AMBN: variants seen among roughly 807,000 people sequenced by gnomAD.
AMBN encodes enamel matrix protein.
Under a neutral mutation model 48.0 loss-of-function variants are expected in AMBN, and 54 were observed. The ratio of observed to expected loss-of-function variants is 1.12; its 90% CI spans 0.90 to 1.41. AMBN has a LOEUF of 1.41. Ranked by LOEUF, AMBN falls within the 40% of genes most tolerant of loss-of-function variation. The pLI is 0.00. For synonymous variants in AMBN, 186 were observed against 190.0 expected (o/e 0.98, Z 0.17); for missense variants, 571 against 547.3 (o/e 1.04, Z -0.43).
chr4:70,602,928 G>T, intron 8 of AMBN, 44 bp from the exon 9 acceptor site: 1 of 1,542,558 alleles, frequency 6.5e-7, no homozygotes, highest in Non-Finnish European at 8.8e-7. Context: ...TATCTATTTT[G>T]TTCCTTTTTT....
Position 70,598,461 on chromosome 4 carries a change from A to G in AMBN, c.183+58A>G, listed in dbSNP as rs373033705. 8 of 1,372,562 alleles carry G rather than the reference A, an allele frequency of 5.8e-6. No individual in the cohort carries two copies. The African/African-American group carries it at 1.0e-4, about 18-fold the overall frequency. 85.0% of individuals were successfully genotyped at this position (1,372,562 alleles called of 1,614,324 possible). A position where few individuals can be genotyped will look rare whatever the true frequency, so the allele number is the denominator to read the frequency against. On this transcript the variant is annotated intron_variant, in intron 4 of 12. Transcript: ENST00000322937. ...TGGTGGTAGTGTTAATATTAGCAGC[A>G]GCATTATAATTCATCAAATTTATTT...
At chr4:70,603,390 T>C (rs1465680308) in intron 10 of AMBN, 26 bp from the exon 11 acceptor site, 1 of 1,613,552 alleles carries the variant, frequency 6.2e-7, no homozygotes, top group Non-Finnish European at 8.5e-7. Flanking sequence ...AAATGCATTT[T>C]GTGATAATGA....
At chr4:70,599,238 C>T (rs1196084827) in intron 4 of AMBN, among the ~76,000 whole-genome samples, 2 of 151,986 alleles carry the variant, frequency 1.3e-5, no homozygotes, top group Non-Finnish European at 1.5e-5. Flanking sequence ...GTCAAGAGAT[C>T]AAGACCATCC....
chr4:70,593,463 G>T (rs1487928864), intron 2 of AMBN, 68 bp downstream of exon 2: 2 of 1,330,338 alleles, frequency 1.5e-6, no homozygotes, highest in Non-Finnish European at 2.2e-6. Flanking sequence ...AACACTGAAG[G>T]GATATGGACT....
Position 70,603,252 on chromosome 4 carries a change from A to T in AMBN, c.649-8A>T. ...AGAATTACTTATTCTGTTTTCTACC[A>T]TTTAAAGATTTTCCAAATAGCCCGT... On this transcript the variant is annotated splice_polypyrimidine_tract_variant and splice_region_variant and intron_variant, in intron 9 of 12. Transcript: ENST00000322937. 1 of 1,612,410 alleles carries T rather than the reference A, an allele frequency of 6.2e-7. No individual in the cohort carries two copies. The highest frequency in any genetic ancestry group is 8.5e-7 in the Non-Finnish European group (1 of 1,178,738).
chr4:70,602,963 G>A lies in AMBN; in HGVS notation c.610-9G>A, dbSNP rs774172380. ...TGACTGATAATTTTAATATTTATCT[G>A]TAATATAGCTCCCAGGATTGGATTT... On this transcript the variant is annotated splice_polypyrimidine_tract_variant and intron_variant, in intron 8 of 12. Transcript: ENST00000322937. 18 of 1,595,028 alleles carry A rather than the reference G, an allele frequency of 1.1e-5. No homozygotes were observed. Among genetic ancestry groups the A allele is most frequent in the Admixed American group, 1.7e-5 (1 of 58,310 alleles).
chr4:70,596,942 G>A, intron 2 of AMBN, 57 bp from the exon 3 acceptor site: 2 of 1,495,704 alleles, frequency 1.3e-6, no homozygotes, highest in Non-Finnish European at 1.9e-6. Flanking sequence ...ACGCCCAATG[G>A]GCATTGAAGG....
At chr4:70,604,890 G>C (rs927266841) in intron 12 of AMBN, among the ~76,000 whole-genome samples, 20 of 152,020 alleles carry the variant, frequency 1.3e-4, no homozygotes, top group Non-Finnish European at 1.5e-5. Flanking sequence ...CTACTCAGGA[G>C]GCTGAGGCAG....
chr4:70,603,025 C>G lies in AMBN; in HGVS notation c.648+15C>G. 6.3e-7 allele frequency: 1 copy of G among 1,595,808 alleles called. No individual in the cohort carries two copies. ...AAGGTTCAACAGTAAGTACAGATCT[C>G]AATGAGACACTGTCTTGCAAAAACT... On this transcript the variant is annotated intron_variant, in intron 9 of 12. Coordinates refer to ENST00000322937, the MANE Select transcript of AMBN (RefSeq NM_016519.6).
chr4:70,595,917 A>T (rs1342535762), intron 2 of AMBN, among the ~76,000 whole-genome samples: 1 of 152,242 alleles, frequency 6.6e-6, no homozygotes, highest in Non-Finnish European at 1.5e-5. Context: ...GCACTTTGGG[A>T]GGCCAAGGCA....
chr4:70,597,818 G>A (rs1221676804), intron 3 of AMBN, among the ~76,000 whole-genome samples: 2 of 152,048 alleles, frequency 1.3e-5, no homozygotes, highest in African/African-American at 2.4e-5. Flanking sequence ...CGTGAAAAAA[G>A]TTAAATTGGC....
At chr4:70,604,531 C>T (rs1577957696) in intron 12 of AMBN, among the ~76,000 whole-genome samples, 1 of 152,156 alleles carries the variant, frequency 6.6e-6, no homozygotes, top group Non-Finnish European at 1.5e-5. Flanking sequence ...CAAGGCAAGA[C>T]AAAACAAAAG....
chr4:70,599,602 T>G lies in AMBN; in HGVS notation c.250T>G (p.Ser84Ala), dbSNP rs1048892888. The change falls in exon 5 of 13, where the codon TCC becomes GCC. Residue 84 changes from serine (S) to alanine (A), a missense_variant. Ser to Ala is a moderately conservative substitution (Grantham distance 99). Transcript: ENST00000322937. ...LWMHGLLPPHSSLPWMRPREH... is the reference protein window; with the variant it reads ...LWMHGLLPPHASLPWMRPREH... ...GATGCACGGTCTCCTCCCACCACATTCCTCTCTTCCATGGATGAGGCCAAG... is the reference window on the plus strand; with the variant it reads ...GATGCACGGTCTCCTCCCACCACATGCCTCTCTTCCATGGATGAGGCCAAG... The G allele has an allele frequency of 1.9e-6, 3 of 1,613,620 alleles. No individual in the cohort carries two copies. Among genetic ancestry groups the G allele is most frequent in the African/African-American group, 1.3e-5 (1 of 74,900 alleles).
intron 2 of AMBN, among the ~76,000 whole-genome samples, chr4:70,596,279 CAAAA>C (rs36108778): frequency 1.7e-5 from 2 of 117,274 alleles, no homozygotes; most frequent in Non-Finnish European, 3.6e-5. Context: ...AACTTAGTCT[CAAAA>C]AAAAAAAAAA....
chr4:70,593,959 C>T (rs757343797), intron 2 of AMBN, among the ~76,000 whole-genome samples: 4 of 151,676 alleles, frequency 2.6e-5, no homozygotes, highest in African/African-American at 4.8e-5. Context: ...TTATTCCACT[C>T]ATTCAAAGTT....
intron 1 of AMBN, 86 bp downstream of exon 1, chr4:70,592,459 C>A (rs546683340): frequency 6.9e-7 from 1 of 1,443,912 alleles, no homozygotes; most frequent in African/African-American, 1.4e-5. Context: ...GAGGATTTAT[C>A]TTCATTTGTC....
At position 70,601,618 on chromosome 4, in the gene AMBN, G is replaced by A. The variant is rs778731323; in HGVS notation, c.495G>A (p.Gln165=). The A allele has an allele frequency of 9.3e-6, 15 of 1,614,150 alleles. No homozygotes were observed. The highest frequency in any genetic ancestry group is 8.5e-6 in the Non-Finnish European group (10 of 1,180,004). Residue 165 remains glutamine (Q), a synonymous_variant, in exon 6 of 13, where the codon CAG becomes CAA. Transcript: ENST00000322937. The part of the protein sequence containing the change: ...LQEGELPLVQ[Q]QVAPSDKPPK... ...AAGGAGAACTGCCTCTGGTTCAGCA[G>A]CAGGTGGCACCATCAGATAAGCCAC... is the stretch of plus-strand genomic sequence containing the variant.
intron 2 of AMBN, 128 bp downstream of exon 2, chr4:70,593,523 T>C: frequency 5.1e-6 from 4 of 786,266 alleles, no homozygotes; most frequent in African/African-American, 1.8e-5. Flanking sequence ...TTTAGTCCTA[T>C]TGAGTCAAAA....
At chr4:70,592,854 G>GTACC (rs1250422415) in intron 1 of AMBN, among the ~76,000 whole-genome samples, 1 of 152,134 alleles carries the variant, frequency 6.6e-6, no homozygotes, top group Admixed American at 6.5e-5. Context: ...ATGCAATGAT[G>GTACC]TACCCTCTAT....
Sources: gnomAD v4.1 joint callset for allele counts (sites outside exome capture counted in the v4.1 genomes callset) on GRCh38, gnomAD v4.1.1 for gene constraint, MANE v1.5 for transcripts, NCBI Gene and HGNC (gene_info 2026-07-23, HGNC 2026-07-21) for gene names.